The following RWDD4 variants were observed in gnomAD, a reference collection of about 807,000 sequenced individuals.
The protein encoded by RWDD4 is RWD domain-containing protein 4.
Under a neutral mutation model 30.0 loss-of-function variants are expected in RWDD4, and 16 were observed. The ratio of observed to expected loss-of-function variants is 0.53; its 90% CI spans 0.36 to 0.81. RWDD4 has a LOEUF of 0.81. Among genes scored for constraint, RWDD4 ranks in the 30% least tolerant of loss-of-function variants. The probability of loss-of-function intolerance (pLI) is 0.00; values close to 1 mark genes in which losing one functional copy is unlikely to be tolerated. For synonymous variants in RWDD4, 45 were observed against 72.1 expected (o/e 0.62, Z 1.90); for missense variants, 170 against 223.9 (o/e 0.76, Z 1.54).
chr4:183,648,642 T>C (rs534260079), intron 5 of RWDD4, among the ~76,000 whole-genome samples: 2 of 152,262 alleles, frequency 1.3e-5, no homozygotes, highest in Admixed American at 6.5e-5. Flanking sequence ...AAATGAAAAC[T>C]GTATTTCAAA....
intron 5 of RWDD4, among the ~76,000 whole-genome samples, chr4:183,648,982 C>T (rs532364562): frequency 6.6e-6 from 1 of 152,096 alleles, no homozygotes; most frequent in Admixed American, 6.5e-5. Context: ...GAAATATTTT[C>T]AGTATACATA....
chr4:183,646,397 G>A (rs777684096), intron 6 of RWDD4, 44 bp from the exon 7 acceptor site: 5 of 1,528,508 alleles, frequency 3.3e-6, no homozygotes, highest in African/African-American at 1.4e-5. Flanking sequence ...AATTCCAAAG[G>A]TTGTGAAGGG....
intron 7 of RWDD4, among the ~76,000 whole-genome samples, chr4:183,643,237 G>A (rs2111228399): frequency 6.8e-6 from 1 of 148,014 alleles, no homozygotes; most frequent in African/African-American, 2.5e-5. Context: ...GACCAGCCTG[G>A]CCAATATGGT....
At chr4:183,645,483 G>A (rs1023206184) in intron 7 of RWDD4, among the ~76,000 whole-genome samples, 1 of 151,742 alleles carries the variant, frequency 6.6e-6, no homozygotes, top group African/African-American at 2.4e-5. Flanking sequence ...ACCCACAAAA[G>A]CCAAGGCCAG....
Position 183,658,923 on chromosome 4 carries a change from G to A in RWDD4, c.24+6C>T. On this transcript the variant is annotated splice_donor_region_variant and intron_variant, in intron 1 of 7. Coordinates refer to ENST00000326397, the MANE Select transcript of RWDD4 (RefSeq NM_152682.4). ...CTGGGAGAGGGCCCTGAGCCGGGGG[G>A]CTCACCTCCTGGTCCTCGTTGGCAC... is the stretch of plus-strand genomic sequence containing the variant. 7.9e-7 allele frequency: 1 copy of A among 1,269,918 alleles called. No homozygotes were observed. The allele number at this position is 1,269,918 out of a possible 1,614,324, so 78.7% of individuals were successfully genotyped here.
chr4:183,655,179 G>C (rs1734162076), intron 2 of RWDD4, among the ~76,000 whole-genome samples: 1 of 152,008 alleles, frequency 6.6e-6, no homozygotes, highest in East Asian at 1.9e-4. Context: ...GACTTGAGGT[G>C]ATCCGCCTGC....
intron 7 of RWDD4, among the ~76,000 whole-genome samples, chr4:183,646,140 G>A (rs1349319404): frequency 6.6e-6 from 1 of 152,160 alleles, no homozygotes; most frequent in Non-Finnish European, 1.5e-5. Context: ...CTGACCTCAG[G>A]TGATCCAACC....
In RWDD4 at chr4:183,658,914, A is replaced by G. The variant is rs1480073386; in HGVS notation, c.24+15T>C. ...GCGCCCGCGCTGGGAGAGGGCCCTG[A>G]GCCGGGGGGCTCACCTCCTGGTCCT... On this transcript the variant is annotated intron_variant, in intron 1 of 7. Coordinates refer to ENST00000326397, the MANE Select transcript of RWDD4 (RefSeq NM_152682.4). The G allele has an allele frequency of 1.1e-4, 133 of 1,263,130 alleles. No individual in the cohort carries two copies. Among genetic ancestry groups the G allele is most frequent in the Non-Finnish European group, 1.3e-4 (131 of 1,005,636 alleles). The allele number at this position is 1,263,130 out of a possible 1,614,324, so 78.2% of individuals were successfully genotyped here.
Position 183,659,027 on chromosome 4 carries a change from A to G in RWDD4, c.-75T>C. ...AGAGAAAGCGAAGGCAGCGGCCCAGAGGCCGGGCGTCCCCCTTTCGCGCCT... is the reference window on the plus strand; with the variant it reads ...AGAGAAAGCGAAGGCAGCGGCCCAGGGGCCGGGCGTCCCCCTTTCGCGCCT... On this transcript the variant is annotated 5_prime_UTR_variant, in exon 1 of 8. Coordinates refer to ENST00000326397, the MANE Select transcript of RWDD4 (RefSeq NM_152682.4). 2 of 1,141,670 alleles carry G rather than the reference A, an allele frequency of 1.8e-6. No homozygotes were observed. The highest frequency in any genetic ancestry group is 2.2e-6 in the Non-Finnish European group (2 of 902,582). 70.7% of individuals were successfully genotyped at this position (1,141,670 alleles called of 1,614,324 possible). A position where few individuals can be genotyped will look rare whatever the true frequency, so the allele number is the denominator to read the frequency against.
intron 2 of RWDD4, among the ~76,000 whole-genome samples, chr4:183,654,521 T>C (rs1397798783): frequency 1.3e-5 from 2 of 152,222 alleles, no homozygotes; most frequent in African/African-American, 4.8e-5. Flanking sequence ...TCTTCTTAAA[T>C]CCATCCTATG....
At chr4:183,655,237 C>T (rs925558327) in intron 2 of RWDD4, among the ~76,000 whole-genome samples, 5 of 151,660 alleles carry the variant, frequency 3.3e-5, no homozygotes, top group Admixed American at 6.6e-5. Context: ...CACTGTGCCC[C>T]GCCTACTTAT....
Position 183,658,966 on chromosome 4 carries a change from G to A in RWDD4, c.-14C>T, listed in dbSNP as rs749950433. ...GTTGGCACTCATCGCGCCGGTCGCG[G>A]GGCGCCTCCTGAGCGGACGGCGTTC... On this transcript the variant is annotated 5_prime_UTR_variant, in exon 1 of 8. Coordinates refer to ENST00000326397, the MANE Select transcript of RWDD4 (RefSeq NM_152682.4). The A allele has an allele frequency of 3.1e-6, 4 of 1,274,896 alleles. No homozygotes were observed. In the East Asian group the frequency reaches 8.7e-5, roughly 28 times the overall value. 79.0% of individuals were successfully genotyped at this position (1,274,896 alleles called of 1,614,324 possible).
intron 1 of RWDD4, among the ~76,000 whole-genome samples, chr4:183,656,408 C>T (rs1734195404): frequency 6.6e-6 from 1 of 152,082 alleles, no homozygotes; most frequent in Non-Finnish European, 1.5e-5. Flanking sequence ...ATATGTAATC[C>T]TTCCCACAGT....
intron 5 of RWDD4, among the ~76,000 whole-genome samples, chr4:183,648,141 G>T (rs956944900): frequency 6.6e-6 from 1 of 151,260 alleles, no homozygotes; most frequent in African/African-American, 2.5e-5. Context: ...CTACTCGGGA[G>T]GCTGAGGCAG....
At chr4:183,649,960 CT>C (rs1479844387) in intron 4 of RWDD4, among the ~76,000 whole-genome samples, 2 of 152,108 alleles carry the variant, frequency 1.3e-5, no homozygotes, top group Non-Finnish European at 2.9e-5. Context: ...TTAAACACGT[CT>C]TTAGAAAAAT....
intron 7 of RWDD4, among the ~76,000 whole-genome samples, chr4:183,643,045 C>T (rs6856900): frequency 0.27 from 37,391 of 139,152 alleles, 5,864 homozygotes; most frequent in African/African-American, 0.46. Context: ...GGTGACAGAG[C>T]GAGACTCCGT....
At chr4:183,646,149 C>T (rs1733961951) in intron 7 of RWDD4, among the ~76,000 whole-genome samples, 1 of 152,174 alleles carries the variant, frequency 6.6e-6, no homozygotes, top group Non-Finnish European at 1.5e-5. Flanking sequence ...GGTGATCCAA[C>T]CACCTTGACC....
chr4:183,649,982 T>G (rs2111240402), intron 4 of RWDD4, among the ~76,000 whole-genome samples: 1 of 152,348 alleles, frequency 6.6e-6, no homozygotes, highest in African/African-American at 2.4e-5. Flanking sequence ...CACGTGTGCC[T>G]ACCTAGAACA....
intron 2 of RWDD4, 59 bp from the exon 3 acceptor site, chr4:183,651,386 T>C (rs1734074046): frequency 1.6e-6 from 2 of 1,221,070 alleles, no homozygotes; most frequent in Non-Finnish European, 2.4e-6. Context: ...GAAAACTAAA[T>C]TATAATCTTC....
Sources: allele counts gnomAD v4.1 joint callset (sites outside exome capture counted in the v4.1 genomes callset), GRCh38; gene constraint gnomAD v4.1.1; transcripts MANE v1.5; gene names NCBI Gene and HGNC (gene_info 2026-07-23, HGNC 2026-07-21).